Variants in PRDM2 observed in about 807,000 individuals in gnomAD.
PRDM2 encodes the protein PR domain zinc finger protein 2.
PRDM2 carries 30 observed loss-of-function variants against 130.0 expected under a neutral mutation model. That is an observed-to-expected ratio of 0.23 (90% CI 0.17 to 0.31). The LOEUF (loss-of-function observed/expected upper bound fraction) is 0.31, where lower values mean the gene tolerates loss of function less well. Among genes scored for constraint, PRDM2 ranks in the 10% least tolerant of loss-of-function variants. The probability of loss-of-function intolerance (pLI) is 1.00; values close to 1 mark genes in which losing one functional copy is unlikely to be tolerated. For synonymous variants in PRDM2, 871 were observed against 782.4 expected (o/e 1.11, Z -1.89); for missense variants, 2,011 against 2,108.4 (o/e 0.95, Z 0.90).
chr1:13,779,874 ACTT>A lies in PRDM2; in HGVS notation c.2084_2086del (p.Leu695del), dbSNP rs764975745. ...TTTATTTGTCATCAAAGCTCAAACA[ACTT>A]CTTCAAACCCAAGATAAACTAACTC... is the stretch of plus-strand genomic sequence containing the variant. On this transcript the variant is annotated inframe_deletion, in exon 8 of 10. Coordinates refer to ENST00000311066, the MANE Select transcript of PRDM2 (RefSeq NM_001393986.1). This position sits in a 1 kb window ranked among gnomAD's most constrained non-coding sequence, Gnocchi z 4.9. 6 of 1,608,296 alleles carry A rather than the reference ACTT, an allele frequency of 3.7e-6. No individual in the cohort carries two copies. The Admixed American group carries it at 1.0e-4, about 27-fold the overall frequency.
intron 5 of PRDM2, among the ~76,000 whole-genome samples, chr1:13,747,502 C>G (rs1039285776): frequency 6.6e-6 from 1 of 151,786 alleles, no homozygotes; most frequent in Admixed American, 6.6e-5. Context: ...TTAACTGGTT[C>G]AAGAAGGGAA....
intron 8 of PRDM2, among the ~76,000 whole-genome samples, chr1:13,810,419 C>A (rs1386547924): frequency 6.6e-6 from 1 of 152,102 alleles, no homozygotes; most frequent in African/African-American, 2.4e-5. Flanking sequence ...TGTAAGCCAT[C>A]GGCCGTATTC....
chr1:13,769,570 G>A (rs1445477832), intron 6 of PRDM2, among the ~76,000 whole-genome samples: 1 of 152,154 alleles, frequency 6.6e-6, no homozygotes, highest in Admixed American at 6.5e-5. Context: ...AGGCCCTCAC[G>A]ATGAGACGTA....
intron 1 of PRDM2, among the ~76,000 whole-genome samples, chr1:13,704,141 G>A (rs893826204): frequency 1.3e-5 from 2 of 152,236 alleles, no homozygotes; most frequent in Non-Finnish European, 2.9e-5. Context: ...AATAAAACGT[G>A]AAAAGAGATG....
At chr1:13,745,308 C>T (rs992502945) in intron 5 of PRDM2, among the ~76,000 whole-genome samples, 11 of 152,170 alleles carry the variant, frequency 7.2e-5, no homozygotes, top group South Asian at 2.1e-4. Context: ...TGAGGACAGA[C>T]GTTCGAACCC....
At chr1:13,732,727 A>G in intron 3 of PRDM2, 52 bp from the exon 4 acceptor site, 1 of 1,318,264 alleles carries the variant, frequency 7.6e-7, no homozygotes. Flanking sequence ...TAATGGTTTC[A>G]ATCTTTAAAA....
intron 6 of PRDM2, among the ~76,000 whole-genome samples, chr1:13,755,963 A>T (rs1643940263): frequency 6.6e-6 from 1 of 151,770 alleles, no homozygotes; most frequent in Non-Finnish European, 1.5e-5. Context: ...AGAATTGAGG[A>T]ATTGGAGGCT....
chr1:13,778,713 A>G lies in PRDM2; in HGVS notation c.918A>G (p.Lys306=). The G allele has an allele frequency of 1.2e-6, 2 of 1,614,232 alleles. No homozygotes were observed. The highest frequency in any genetic ancestry group is 4.5e-5 in the East Asian group (2 of 44,886). Residue 306 remains lysine, a synonymous_variant, in exon 8 of 10, where the codon AAA becomes AAG. Transcript: ENST00000311066. Reference sequence around the variant, plus strand: ...GCATGCCAAATGAAAATTCTGTGAAAGAGCCAGAAATACGGTGTGATGAGA... The same window carrying G: ...GCATGCCAAATGAAAATTCTGTGAAGGAGCCAGAAATACGGTGTGATGAGA... ...EASMPNENSV[K]EPEIRCDEKP...
rs138927991 is a variant in PRDM2, at chr1:13,714,583, G to A, written c.-65-958G>A. The stretch of plus-strand genomic sequence containing the variant: ...CCAACTACCTTATTAAAAAACAAGG[G>A]TAAAATGTCAAAACAGTGGGTAGGC... On this transcript the variant is annotated intron_variant, in intron 1 of 9. Transcript: ENST00000311066. 5.4e-3 allele frequency among the ~76,000 whole-genome samples: 821 copies of A among 152,244 alleles called. 3 individuals are homozygous for A. The highest frequency in any genetic ancestry group is 7.4e-3 in the Non-Finnish European group (503 of 68,018).
intron 6 of PRDM2, among the ~76,000 whole-genome samples, chr1:13,767,359 A>G (rs1408618267): frequency 6.6e-6 from 1 of 151,706 alleles, no homozygotes; most frequent in Admixed American, 6.6e-5. Flanking sequence ...TGGCACGATC[A>G]TGGCTCACTG....
Position 13,778,500 on chromosome 1 carries a change from G to A in PRDM2, c.705G>A (p.Val235=), listed in dbSNP as rs1047105769. The A allele has an allele frequency of 3.1e-6, 5 of 1,614,076 alleles. No individual in the cohort carries two copies. In the African/African-American group the frequency reaches 6.7e-5, roughly 22 times the overall value. Residue 235 remains valine (V), a synonymous_variant, in exon 8 of 10, where the codon GTG becomes GTA. Coordinates refer to ENST00000311066, the MANE Select transcript of PRDM2 (RefSeq NM_001393986.1). ...ATLQEVASQE[V]PPELATPAPA... is the part of the protein sequence containing the mutation. ...TCCAGGAGGTGGCCAGTCAGGAGGTGCCTCCAGAACTAGCAACCCCTGCCC... is the reference window on the plus strand; with the variant it reads ...TCCAGGAGGTGGCCAGTCAGGAGGTACCTCCAGAACTAGCAACCCCTGCCC...
At position 13,778,647 on chromosome 1, in the gene PRDM2, T is replaced by A. The variant is rs151133690; in HGVS notation, c.852T>A (p.Asp284Glu). 6.4e-6 allele frequency: 10 copies of A among 1,571,546 alleles called. No homozygotes were observed. The highest frequency in any genetic ancestry group is 2.7e-5 in the African/African-American group (2 of 74,670). Residue 284 changes from aspartate to glutamate, a missense_variant, in exon 8 of 10, where the codon GAT (aspartate) becomes GAA (glutamate). Coordinates refer to ENST00000311066, the MANE Select transcript of PRDM2 (RefSeq NM_001393986.1). Reference sequence around the variant, plus strand: ...AGGATGAAGAAGAAGAAGAAGATGATGATGATGATGAGTTGGAAGACGAGG... The same window carrying A: ...AGGATGAAGAAGAAGAAGAAGATGAAGATGATGATGAGTTGGAAGACGAGG... ...EEEDEEEEEDDDDDELEDEGE... is the reference protein window; with the variant it reads ...EEEDEEEEEDEDDDELEDEGE...
chr1:13,789,867 G>A (rs1390893320), intron 8 of PRDM2, among the ~76,000 whole-genome samples: 6 of 152,222 alleles, frequency 3.9e-5, no homozygotes, highest in African/African-American at 1.4e-4. Context: ...TTCCCCGTCA[G>A]CCTTTACAGG....
rs191852595 is a variant in PRDM2 at position 13,740,148 on chromosome 1, A to G, written c.232-1857A>G. ...TGAATAAAAATTGTACTCAACTGTA[A>G]CACTTTGCTTTTTGCAAATGGCTGT... On this transcript the variant is annotated intron_variant, in intron 4 of 9. Coordinates refer to ENST00000311066, the MANE Select transcript of PRDM2 (RefSeq NM_001393986.1). 3.5e-4 allele frequency among the ~76,000 whole-genome samples: 53 copies of G among 152,346 alleles called. No individual in the cohort carries two copies. In the East Asian group the frequency reaches 5.8e-3, roughly 17 times the overall value.
At chr1:13,820,895 C>T (rs904750972) in intron 9 of PRDM2, among the ~76,000 whole-genome samples, 5 of 152,162 alleles carry the variant, frequency 3.3e-5, no homozygotes, top group African/African-American at 9.7e-5. Context: ...TAGCCGGCCC[C>T]GCCTCTGCTT....
chr1:13,821,730 G>C (rs1011710896), intron 9 of PRDM2, among the ~76,000 whole-genome samples: 2 of 152,156 alleles, frequency 1.3e-5, no homozygotes, highest in Non-Finnish European at 2.9e-5. Flanking sequence ...GCCTCCCAAA[G>C]TGCTGTGATT....
chr1:13,743,133 C>G (rs1643497177), intron 5 of PRDM2, among the ~76,000 whole-genome samples: 1 of 152,110 alleles, frequency 6.6e-6, no homozygotes, highest in South Asian at 2.1e-4. Flanking sequence ...GGCGCAGTGG[C>G]TCACGCCTGT....
intron 6 of PRDM2, among the ~76,000 whole-genome samples, chr1:13,769,702 G>C (rs1181953958): frequency 6.6e-6 from 1 of 152,124 alleles, no homozygotes; most frequent in Non-Finnish European, 1.5e-5. Flanking sequence ...TAAGTGTGTT[G>C]GTATTCACCA....
chr1:13,782,605 T>C lies in PRDM2; in HGVS notation c.4810T>C (p.Ser1604Pro). The change falls in exon 8 of 10, where the codon TCC becomes CCC. Residue 1604 changes from serine (S) to proline (P), a missense_variant. By Grantham distance (74) the Ser-to-Pro change is moderately conservative. Around this residue, in one of 5 missense-constraint regions of PRDM2, gnomAD observed 410 missense variants for 395.9 expected, o/e 1.04. Transcript: ENST00000311066. ...AVAKNHSAQL[S>P]SKTSRSLHVR... ...GGCCAAGAATCATTCTGCTCAGCTT[T>C]CCAGCAAAACATCACGGAGCCTGCA... is the stretch of plus-strand genomic sequence containing the variant. 1.9e-6 allele frequency: 3 copies of C among 1,614,118 alleles called. No individual in the cohort carries two copies. Among genetic ancestry groups the C allele is most frequent in the Non-Finnish European group, 2.5e-6 (3 of 1,180,020 alleles).
Sources: allele counts gnomAD v4.1 joint callset (sites outside exome capture counted in the v4.1 genomes callset), GRCh38; gene constraint gnomAD v4.1.1; regional missense constraint gnomAD v4.1.1; non-coding constraint Gnocchi (gnomAD v3.1); transcripts MANE v1.5; gene names NCBI Gene and HGNC (gene_info 2026-07-23, HGNC 2026-07-21).